Variants in TUSC3 observed in about 807,000 individuals in gnomAD.
TUSC3 encodes the protein tumor suppressor candidate 3.
TUSC3 carries 45 observed loss-of-function variants against 44.8 expected under a neutral mutation model. That is an observed-to-expected ratio of 1.00 (90% CI 0.79 to 1.29). The LOEUF is 1.29. Among genes scored for constraint, TUSC3 ranks in the 50% most tolerant of loss-of-function variants. TUSC3 has a pLI of 0.00. For missense variants in TUSC3, 519 were observed against 437.9 expected (o/e 1.19, Z -1.65); for synonymous variants, 212 against 152.9 (o/e 1.39, Z -2.85).
chr8:15,537,589 T>A (rs1801542285), upstream of TUSC3, among the ~76,000 whole-genome samples: 1 of 152,148 alleles, frequency 6.6e-6, no homozygotes, highest in Non-Finnish European at 1.5e-5. Flanking sequence ...ATCTCATGTG[T>A]TTCTAATGAA....
chr8:15,791,123 C>T, the TUSC3 span, among the ~76,000 whole-genome samples: 4 of 151,728 alleles, frequency 2.6e-5, no homozygotes, highest in African/African-American at 7.3e-5. Flanking sequence ...CACAATATTC[C>T]CCCACCCAAA....
chr8:15,585,169 C>T (rs565667535), intron 1 of TUSC3, among the ~76,000 whole-genome samples: 2 of 151,992 alleles, frequency 1.3e-5, no homozygotes, highest in African/African-American at 2.4e-5. Flanking sequence ...GCCTAACTGG[C>T]GTTAGGAATA....
intron 2 of TUSC3, among the ~76,000 whole-genome samples, chr8:15,485,686 A>G (rs1365880828): frequency 6.6e-6 from 1 of 152,132 alleles, no homozygotes; most frequent in East Asian, 1.9e-4. Flanking sequence ...GGGAATGAAG[A>G]GTAGGAGGGG....
chr8:15,481,583 A>ATAAAGCAGGTATCACAG (rs1800661904), intron 1 of TUSC3, among the ~76,000 whole-genome samples: 1 of 152,222 alleles, frequency 6.6e-6, no homozygotes, highest in Admixed American at 6.5e-5. Context: ...GACCACCGCA[A>ATAAAGCAGGTATCACAG]TAAAGCAGGT....
At chr8:15,651,781 T>C (rs1451407880) in intron 3 of TUSC3, among the ~76,000 whole-genome samples, 2 of 152,206 alleles carry the variant, frequency 1.3e-5, no homozygotes, top group South Asian at 4.1e-4. Flanking sequence ...TAAGCTTATT[T>C]ACCCAGTATT....
chr8:15,587,812 A>G (rs1359219554), intron 1 of TUSC3, among the ~76,000 whole-genome samples: 1 of 152,066 alleles, frequency 6.6e-6, no homozygotes, highest in African/African-American at 2.4e-5. Flanking sequence ...TTGAGAACAT[A>G]TATGATTTAT....
At chr8:15,690,458 T>C (rs374150488) in intron 6 of TUSC3, among the ~76,000 whole-genome samples, 1 of 152,178 alleles carries the variant, frequency 6.6e-6, no homozygotes, top group African/African-American at 2.4e-5. Flanking sequence ...GTTGTCTGTT[T>C]ATGCTGTTGA....
rs1354710850 is a variant in TUSC3 at position 15,764,298 on chromosome 8, C to T, written c.*142C>T. ...GACTTTATACTATTTTGAATTCATTCATTTCATTGTGATCAGCTAGCTTAT... is the reference window on the plus strand; with the variant it reads ...GACTTTATACTATTTTGAATTCATTTATTTCATTGTGATCAGCTAGCTTAT... On this transcript the variant is annotated 3_prime_UTR_variant, in exon 11 of 11. Transcript: ENST00000503731. 1 of 1,445,368 alleles carries T rather than the reference C, an allele frequency of 6.9e-7. No homozygotes were observed. The highest frequency in any genetic ancestry group is 9.6e-7 in the Non-Finnish European group (1 of 1,036,934). The allele number at this position is 1,445,368 out of a possible 1,614,324, so 89.5% of individuals were successfully genotyped here.
intron 1 of TUSC3, among the ~76,000 whole-genome samples, chr8:15,542,232 A>C (rs71524149): frequency 0.21 from 32,656 of 151,966 alleles, 4,113 homozygotes; most frequent in Non-Finnish European, 0.29. Flanking sequence ...TCTGATTGGC[A>C]ATTGGTTGAA....
chr8:15,623,577 T>C (rs572074469), intron 2 of TUSC3, among the ~76,000 whole-genome samples: 1 of 152,118 alleles, frequency 6.6e-6, no homozygotes, highest in South Asian at 2.1e-4. Flanking sequence ...AATCAATTTT[T>C]AATTTTTAAT....
At chr8:15,847,701 G>A in the TUSC3 span, among the ~76,000 whole-genome samples, 2 of 152,088 alleles carry the variant, frequency 1.3e-5, no homozygotes, top group African/African-American at 4.8e-5. Context: ...GTTCATGGTA[G>A]TAAAACTCCG....
chr8:15,623,694 T>C (rs1805355380), intron 2 of TUSC3, among the ~76,000 whole-genome samples: 1 of 152,106 alleles, frequency 6.6e-6, no homozygotes, highest in African/African-American at 2.4e-5. Flanking sequence ...AATGAAATGT[T>C]TGTCTGGAGG....
rs142028608 is a variant in TUSC3 at position 15,451,956 on chromosome 8, T to C, written n.92-31430T>C. ...TGCTATACAGTAGCATTTTCAGTTT[T>C]TATAATGTGAGGCCTTTCCACATAA... On this transcript the variant is annotated intron_variant and non_coding_transcript_variant, in intron 1 of 5. Coordinates refer to the TUSC3 transcript ENST00000503191. Among the ~76,000 whole-genome samples, 184 of 152,252 alleles carry C rather than the reference T, an allele frequency of 1.2e-3. 1 individual carries two copies. The East Asian group carries it at 0.033, about 28-fold the overall frequency.
chr8:15,546,143 A>G (rs62503026), intron 1 of TUSC3, among the ~76,000 whole-genome samples: 32,583 of 151,652 alleles, frequency 0.21, 4,679 homozygotes, highest in Non-Finnish European at 0.29. Flanking sequence ...ACAAATGGAT[A>G]TTTCTCCTGG....
chr8:15,470,374 C>T (rs1436304451), intron 1 of TUSC3, among the ~76,000 whole-genome samples: 1 of 151,960 alleles, frequency 6.6e-6, no homozygotes, highest in Non-Finnish European at 1.5e-5. Flanking sequence ...ATAGTGGATG[C>T]CTTCCTTATA....
At chr8:15,803,045 A>G in the TUSC3 span, among the ~76,000 whole-genome samples, 20 of 152,326 alleles carry the variant, frequency 1.3e-4, 1 homozygote, top group Middle Eastern at 3.4e-3. Flanking sequence ...AGAATTAAAT[A>G]TAAGACCAAG....
intron 1 of TUSC3, among the ~76,000 whole-genome samples, chr8:15,427,774 A>T (rs1215016439): frequency 2.0e-5 from 3 of 152,134 alleles, no homozygotes; most frequent in Admixed American, 2.0e-4. Flanking sequence ...ACACTTGTGT[A>T]TTGTTACTTT....
chr8:15,654,914 T>G (rs748617022), intron 3 of TUSC3, among the ~76,000 whole-genome samples: 1 of 152,242 alleles, frequency 6.6e-6, no homozygotes, highest in Non-Finnish European at 1.5e-5. Flanking sequence ...ATCTTCCATC[T>G]TTACTTCTTC....
At chr8:15,754,901 T>G (rs2129221757) in intron 9 of TUSC3, among the ~76,000 whole-genome samples, 1 of 152,284 alleles carries the variant, frequency 6.6e-6, no homozygotes, top group African/African-American at 2.4e-5. Flanking sequence ...TATTTTAATC[T>G]TAAGCCTTAC....
Sources: allele counts gnomAD v4.1 joint callset (sites outside exome capture counted in the v4.1 genomes callset), GRCh38; gene constraint gnomAD v4.1.1; transcripts MANE v1.5; gene names NCBI Gene and HGNC (gene_info 2026-07-23, HGNC 2026-07-21).